The following GPHN variants were observed in gnomAD, a reference collection of about 807,000 sequenced individuals.
The protein encoded by GPHN is gephyrin.
A neutral mutation model predicts 95.5 loss-of-function variants in GPHN; 17 were observed. The ratio of observed to expected loss-of-function variants is 0.18; its 90% CI spans 0.12 to 0.27. GPHN has a LOEUF of 0.27. GPHN is among the 10% of genes least tolerant of loss of function. The pLI is 1.00. For missense variants in GPHN, 660 were observed against 978.1 expected (o/e 0.67, Z 4.34); for synonymous variants, 320 against 322.5 (o/e 0.99, Z 0.08).
At chr14:67,685,091 G>A in the GPHN span, 1 of 1,614,108 alleles carries the variant, frequency 6.2e-7, no homozygotes, top group Admixed American at 1.7e-5. Context: ...CCCTGCTGAG[G>A]AGTCTTGATG....
chr14:67,622,703 G>A, the GPHN span, among the ~76,000 whole-genome samples: 13,895 of 152,260 alleles, frequency 0.091, 931 homozygotes, highest in Non-Finnish European at 0.13. Context: ...GACAATCTCT[G>A]GTTATCACTG....
At chr14:66,935,254 A>G (rs2067051766) in intron 8 of GPHN, among the ~76,000 whole-genome samples, 3 of 152,118 alleles carry the variant, frequency 2.0e-5, no homozygotes, top group South Asian at 4.1e-4. Context: ...GTAATAGGAA[A>G]TCTCATTTCA....
intron 16 of GPHN, among the ~76,000 whole-genome samples, chr14:67,120,685 G>C (rs1219037326): frequency 6.6e-6 from 1 of 152,176 alleles, no homozygotes; most frequent in Non-Finnish European, 1.5e-5. Flanking sequence ...TGGAGTTAAA[G>C]AGCTGCAAGC....
chr14:67,383,069 T>C, the GPHN span, among the ~76,000 whole-genome samples: 1 of 152,280 alleles, frequency 6.6e-6, no homozygotes, highest in Admixed American at 6.5e-5. Flanking sequence ...AGTTTTAGCT[T>C]ATAAAAATGA....
rs112356524 is a variant in GPHN at position 67,125,592 on chromosome 14, C to T, written c.1748+3215C>T. 3.1e-3 allele frequency among the ~76,000 whole-genome samples: 471 copies of T among 152,200 alleles called. 5 individuals are homozygous for T. The highest frequency in any genetic ancestry group is 0.011 in the African/African-American group (451 of 41,522). On this transcript the variant is annotated intron_variant, in intron 17 of 22. Transcript: ENST00000478722. ...AAGAGCTGGAGACCAGCCTGACCAA[C>T]GTGGCGAACCCCCGTCTGTACTAAA...
At chr14:66,799,335 G>A (rs2060265675) in intron 3 of GPHN, among the ~76,000 whole-genome samples, 1 of 151,858 alleles carries the variant, frequency 6.6e-6, no homozygotes, top group Admixed American at 6.6e-5. Flanking sequence ...AGATCTATTT[G>A]GTCTATACTG....
chr14:67,081,519 T>G lies in GPHN; in HGVS notation c.1145-7464T>G, dbSNP rs111263288. Among the ~76,000 whole-genome samples the G allele has an allele frequency of 1.5e-3, 225 of 152,350 alleles. 1 individual carries two copies. The highest frequency in any genetic ancestry group is 5.4e-3 in the African/African-American group (223 of 41,576). The stretch of plus-strand genomic sequence containing the variant: ...ATTAGTCCTTTGTCAGATGTGTAAA[T>G]TGTGAAGATTTTCTCCCACTCTGTG... On this transcript the variant is annotated intron_variant, in intron 11 of 22. Transcript: ENST00000478722.
At chr14:67,493,292 A>G in the GPHN span, among the ~76,000 whole-genome samples, 1,023 of 152,308 alleles carry the variant, frequency 6.7e-3, 12 homozygotes, top group African/African-American at 0.024. Context: ...ACGCCCAAGC[A>G]TATGCCATCA....
At chr14:67,327,897 G>A in the GPHN span, among the ~76,000 whole-genome samples, 796 of 152,174 alleles carry the variant, frequency 5.2e-3, 3 homozygotes, top group Middle Eastern at 0.037. Flanking sequence ...ATTGATTTGG[G>A]TTGGTTCCAA....
chr14:67,646,572 G>A, the GPHN span: 51 of 1,246,446 alleles, frequency 4.1e-5, no homozygotes, highest in Middle Eastern at 1.9e-4. Flanking sequence ...GCATACCCAC[G>A]GACGCACATG....
chr14:66,744,075 T>A (rs1441128440), intron 2 of GPHN, among the ~76,000 whole-genome samples: 1 of 152,164 alleles, frequency 6.6e-6, no homozygotes, highest in Non-Finnish European at 1.5e-5. Context: ...AAACATAACT[T>A]CCAATTTTAA....
At chr14:67,441,676 A>G in the GPHN span, among the ~76,000 whole-genome samples, 2 of 151,396 alleles carry the variant, frequency 1.3e-5, 1 homozygote, top group South Asian at 4.2e-4. Flanking sequence ...TGCCCTCTCC[A>G]TGGTGGGCGG....
chr14:67,055,599 A>G (rs1365954726), intron 10 of GPHN, among the ~76,000 whole-genome samples: 8 of 152,222 alleles, frequency 5.3e-5, no homozygotes, highest in African/African-American at 1.9e-4. Context: ...AGATACATGC[A>G]TGCGTATGCT....
intron 9 of GPHN, among the ~76,000 whole-genome samples, chr14:67,021,246 CA>C (rs2073611663): frequency 6.6e-6 from 1 of 152,096 alleles, no homozygotes; most frequent in Non-Finnish European, 1.5e-5. Context: ...TACTCAAGAT[CA>C]CTAAAGGAAT....
the GPHN span, among the ~76,000 whole-genome samples, chr14:67,285,428 G>A: frequency 3.3e-5 from 5 of 149,766 alleles, no homozygotes; most frequent in Admixed American, 6.7e-5. Context: ...GTGCAGTGGC[G>A]CGATCTCGGC....
chr14:67,120,666 T>A (rs1205288175), intron 16 of GPHN, among the ~76,000 whole-genome samples: 1 of 152,194 alleles, frequency 6.6e-6, no homozygotes, highest in Non-Finnish European at 1.5e-5. Context: ...AAGCAACTAG[T>A]TTGATTAATG....
At chr14:66,529,877 G>C (rs1045772871) in intron 1 of GPHN, among the ~76,000 whole-genome samples, 9 of 152,204 alleles carry the variant, frequency 5.9e-5, no homozygotes, top group African/African-American at 1.4e-4. Flanking sequence ...ATGCCAGCCA[G>C]AGCTCTCCTG....
chr14:67,198,837 A>T, the GPHN span: 9 of 577,962 alleles, frequency 1.6e-5, no homozygotes, highest in Non-Finnish European at 2.6e-5. Flanking sequence ...AACATTCAAC[A>T]TTAAAATATT....
the GPHN span, among the ~76,000 whole-genome samples, chr14:67,388,482 C>G: frequency 2.0e-5 from 3 of 152,176 alleles, no homozygotes; most frequent in African/African-American, 7.2e-5. Flanking sequence ...GCTTGGGCCT[C>G]TTCATTTCAC....
Sources: allele counts gnomAD v4.1 joint callset (sites outside exome capture counted in the v4.1 genomes callset), GRCh38; gene constraint gnomAD v4.1.1; transcripts MANE v1.5; gene names NCBI Gene and HGNC (gene_info 2026-07-23, HGNC 2026-07-21).